HMGA2: variants seen among roughly 807,000 people sequenced by gnomAD.
HMGA2 encodes high mobility group protein HMGI-C.
Under a neutral mutation model 19.1 loss-of-function variants are expected in HMGA2, and 8 were observed. That is an observed-to-expected ratio of 0.42 (90% CI 0.25 to 0.76). The LOEUF is 0.76. HMGA2 is among the 30% of genes least tolerant of loss of function. The probability of loss-of-function intolerance (pLI) is 0.28; values close to 1 mark genes in which losing one functional copy is unlikely to be tolerated. For missense variants in HMGA2, 109 were observed against 136.3 expected (o/e 0.80, Z 1.00); for synonymous variants, 60 against 48.8 (o/e 1.23, Z -0.96).
intron 2 of HMGA2, among the ~76,000 whole-genome samples, chr12:65,829,976 A>G (rs941037423): frequency 2.0e-5 from 3 of 151,978 alleles, no homozygotes; most frequent in African/African-American, 7.2e-5. Context: ...GTATGCATAC[A>G]TTATTCCAAT....
At chr12:65,858,129 C>T (rs1035316038) in intron 3 of HMGA2, 3 of 152,528 alleles carry the variant, frequency 2.0e-5, no homozygotes, top group Non-Finnish European at 2.9e-5. Context: ...TTGCTGAGGT[C>T]GTTACTGCTA....
chr12:65,929,980 AG>A lies in HMGA2; in HGVS notation c.250-21397del, dbSNP rs1318926526. ...TTATATACAGAAGTAAGAACTGTAG[AG>A]GGGGGAAACCATGAAAGATAGAAAA... is the stretch of plus-strand genomic sequence containing the variant. On this transcript the variant is annotated intron_variant, in intron 3 of 4. Coordinates refer to ENST00000403681, the MANE Select transcript of HMGA2 (RefSeq NM_003483.6). 7.9e-5 allele frequency among the ~76,000 whole-genome samples: 12 copies of A among 152,210 alleles called. No homozygotes were observed. In the East Asian group the frequency reaches 2.1e-3, roughly 27 times the overall value.
At chr12:65,893,361 A>C (rs1417156964) in intron 3 of HMGA2, among the ~76,000 whole-genome samples, 2 of 152,228 alleles carry the variant, frequency 1.3e-5, no homozygotes, top group Non-Finnish European at 2.9e-5. Context: ...GGCCAAATGG[A>C]TACATGCGAA....
At chr12:65,909,695 CTTTTTTGCCTA>C (rs2121205409) in intron 3 of HMGA2, among the ~76,000 whole-genome samples, 2 of 152,302 alleles carry the variant, frequency 1.3e-5, no homozygotes, top group South Asian at 4.1e-4. Context: ...GTCTTTGCCT[CTTTTTTGCCTA>C]TATAGATGTG....
chr12:65,911,560 G>A (rs1283631016), intron 3 of HMGA2, among the ~76,000 whole-genome samples: 1 of 152,154 alleles, frequency 6.6e-6, no homozygotes, highest in Non-Finnish European at 1.5e-5. Context: ...AAGCAAAGCC[G>A]GGTCATATGC....
At chr12:65,891,919 G>A (rs540046317) in intron 3 of HMGA2, among the ~76,000 whole-genome samples, 16 of 152,336 alleles carry the variant, frequency 1.1e-4, no homozygotes, top group Admixed American at 4.6e-4. Context: ...CCCTTTTTCT[G>A]TGTGTTTCAT....
At position 65,920,568 on chromosome 12, in the gene HMGA2, A is replaced by G. The variant is rs78206208; in HGVS notation, c.250-30815A>G. ...GAGGGACTCAGCAGGAGGTAACTGA[A>G]TCATGGGGGCCAGTCTTTCCCATGC... On this transcript the variant is annotated intron_variant, in intron 3 of 4. Transcript: ENST00000403681. Among the ~76,000 whole-genome samples, 285 of 152,268 alleles carry G rather than the reference A, an allele frequency of 1.9e-3. 2 individuals carry two copies. The highest frequency in any genetic ancestry group is 0.01 in the Middle Eastern group (3 of 294).
intron 2 of HMGA2, among the ~76,000 whole-genome samples, chr12:65,837,129 C>T (rs1355495633): frequency 5.3e-5 from 8 of 152,126 alleles, no homozygotes; most frequent in East Asian, 1.9e-4. Context: ...TAAGGATTAA[C>T]GTAACACATG....
chr12:65,875,907 G>A (rs960594529), intron 3 of HMGA2, among the ~76,000 whole-genome samples: 2 of 151,924 alleles, frequency 1.3e-5, no homozygotes, highest in African/African-American at 4.8e-5. Context: ...ACTTAGTAGA[G>A]AATGAGCTCA....
At chr12:65,919,224 A>C (rs1875216493) in intron 3 of HMGA2, among the ~76,000 whole-genome samples, 1 of 152,122 alleles carries the variant, frequency 6.6e-6, no homozygotes, top group African/African-American at 2.4e-5. Flanking sequence ...GCCCTGAAAA[A>C]CCAGTCTTTA....
chr12:65,888,100 C>T (rs61595033), intron 3 of HMGA2, among the ~76,000 whole-genome samples: 2,276 of 152,114 alleles, frequency 0.015, 63 homozygotes, highest in African/African-American at 0.051. Context: ...CTTTCCATAG[C>T]GGTTTGGGAA....
chr12:65,919,214 GC>G (rs1190938336), intron 3 of HMGA2, among the ~76,000 whole-genome samples: 1 of 152,126 alleles, frequency 6.6e-6, no homozygotes, highest in Non-Finnish European at 1.5e-5. Flanking sequence ...ATGGACTGGC[GC>G]CCTGAAAAAC....
chr12:65,930,075 G>T (rs1267040374), intron 3 of HMGA2, among the ~76,000 whole-genome samples: 1 of 152,158 alleles, frequency 6.6e-6, no homozygotes, highest in African/African-American at 2.4e-5. Context: ...AGAATATATT[G>T]TAAGCCCCAG....
chr12:65,929,241 C>G (rs992585266), intron 3 of HMGA2, among the ~76,000 whole-genome samples: 3 of 152,076 alleles, frequency 2.0e-5, no homozygotes, highest in Non-Finnish European at 4.4e-5. Context: ...GTTTTCCATA[C>G]TCTATAGTTC....
In HMGA2 at chr12:65,836,364, GAAAAAAA is replaced by G. The variant is rs58470265; in HGVS notation, c.199-2146_199-2140del. Among the ~76,000 whole-genome samples, 5 of 104,784 alleles carry G rather than the reference GAAAAAAA, an allele frequency of 4.8e-5. No individual in the cohort carries two copies. In the South Asian group the frequency reaches 8.7e-4, roughly 18 times the overall value. 68.7% of individuals were successfully genotyped at this position (104,784 alleles called of 152,430 possible). On this transcript the variant is annotated intron_variant, in intron 2 of 4. Coordinates refer to ENST00000403681, the MANE Select transcript of HMGA2 (RefSeq NM_003483.6). The stretch of plus-strand genomic sequence containing the variant: ...ACAGAGCGAGACTCCGTCTCAAAAA[GAAAAAAA>G]AAAAAAAAGAAAAACTCCCTTTAAG...
intron 4 of HMGA2, among the ~76,000 whole-genome samples, chr12:65,961,096 TGCCA>T (rs1876737902): frequency 6.6e-6 from 1 of 152,238 alleles, no homozygotes; most frequent in Non-Finnish European, 1.5e-5. Flanking sequence ...CCAGGAGGTT[TGCCA>T]GCTTGACTGA....
At chr12:65,960,431 T>C (rs1237459968) in intron 4 of HMGA2, among the ~76,000 whole-genome samples, 1 of 152,174 alleles carries the variant, frequency 6.6e-6, no homozygotes, top group Non-Finnish European at 1.5e-5. Flanking sequence ...ATTTTTCTTC[T>C]CTTCATTGAA....
At chr12:65,916,285 A>C (rs1190780400) in intron 3 of HMGA2, among the ~76,000 whole-genome samples, 1 of 152,216 alleles carries the variant, frequency 6.6e-6, no homozygotes, top group East Asian at 1.9e-4. Flanking sequence ...TTAATATAAA[A>C]AAGTGTGTAA....
At chr12:65,848,799 T>A (rs920604044) in intron 3 of HMGA2, among the ~76,000 whole-genome samples, 1 of 151,640 alleles carries the variant, frequency 6.6e-6, no homozygotes, top group Non-Finnish European at 1.5e-5. Flanking sequence ...GAGCTTGCAG[T>A]GAGCCGAGAT....
Sources: allele counts gnomAD v4.1 joint callset (sites outside exome capture counted in the v4.1 genomes callset), GRCh38; gene constraint gnomAD v4.1.1; transcripts MANE v1.5; gene names NCBI Gene and HGNC (gene_info 2026-07-23, HGNC 2026-07-21).